OPCML: variants seen among roughly 807,000 people sequenced by gnomAD.
OPCML encodes opioid-binding protein/cell adhesion molecule.
A neutral mutation model predicts 37.8 loss-of-function variants in OPCML; 13 were observed. The observed-to-expected ratio is 0.34, with a 90% CI of 0.22 to 0.55. The LOEUF (loss-of-function observed/expected upper bound fraction) is 0.55, where lower values mean the gene tolerates loss of function less well. OPCML is among the 20% of genes least tolerant of loss of function. The pLI, the probability that OPCML is intolerant of heterozygous loss-of-function variation, is 0.91. For synonymous variants in OPCML, 176 were observed against 168.8 expected, an observed-to-expected ratio of 1.04 and a Z score of -0.33; for missense variants, 341 against 435.6, an observed-to-expected ratio of 0.78 and a Z score of 1.93.
At chr11:132,567,418 C>A (rs955621357) in intron 3 of OPCML, among the ~76,000 whole-genome samples, 2 of 152,158 alleles carry the variant, frequency 1.3e-5, no homozygotes, top group African/African-American at 4.8e-5. Flanking sequence ...CTCCTTTTGT[C>A]ACCATGTCAC....
chr11:132,636,309 G>A (rs980721466), intron 3 of OPCML, among the ~76,000 whole-genome samples: 2 of 152,166 alleles, frequency 1.3e-5, no homozygotes, highest in East Asian at 3.9e-4. Context: ...AATTATCTGG[G>A]TGCTTCAAGG....
At chr11:133,327,150 G>A (rs1943492622) in intron 1 of OPCML, among the ~76,000 whole-genome samples, 1 of 146,332 alleles carries the variant, frequency 6.8e-6, no homozygotes, top group Admixed American at 6.8e-5. Context: ...GTGTGTGTAT[G>A]TGGGTGTGGG....
chr11:132,924,234 C>T (rs1222249901), intron 2 of OPCML, among the ~76,000 whole-genome samples: 1 of 151,884 alleles, frequency 6.6e-6, no homozygotes, highest in Non-Finnish European at 1.5e-5. Context: ...CCTGTAAATG[C>T]TTGGGGGATG....
At chr11:133,454,053 C>T (rs994427061) in intron 1 of OPCML, among the ~76,000 whole-genome samples, 2 of 152,154 alleles carry the variant, frequency 1.3e-5, no homozygotes, top group African/African-American at 4.8e-5. Flanking sequence ...CAACTGCATT[C>T]CCGAAACAGG....
At chr11:132,623,381 A>T (rs1384225482) in intron 3 of OPCML, among the ~76,000 whole-genome samples, 1 of 152,054 alleles carries the variant, frequency 6.6e-6, no homozygotes, top group African/African-American at 2.4e-5. Flanking sequence ...ACAACAAAAA[A>T]ACAGAGCTGA....
At chr11:132,649,501 C>T (rs879787782) in intron 3 of OPCML, among the ~76,000 whole-genome samples, 6 of 151,892 alleles carry the variant, frequency 4.0e-5, no homozygotes, top group African/African-American at 4.8e-5. Context: ...GCGCAGGGGG[C>T]GGGGCAGGTG....
intron 1 of OPCML, among the ~76,000 whole-genome samples, chr11:133,527,605 G>A (rs539959617): frequency 6.0e-4 from 92 of 152,278 alleles, no homozygotes; most frequent in Admixed American, 1.5e-3. Flanking sequence ...CAACATGCGA[G>A]TTGCCTTCTC....
chr11:132,812,559 T>A (rs1939407863), intron 2 of OPCML, among the ~76,000 whole-genome samples: 1 of 152,164 alleles, frequency 6.6e-6, no homozygotes, highest in Non-Finnish European at 1.5e-5. Flanking sequence ...TGTTTTAAAG[T>A]GTAGTTTCAA....
chr11:133,371,204 G>A (rs1474267270), intron 1 of OPCML, among the ~76,000 whole-genome samples: 1 of 152,160 alleles, frequency 6.6e-6, no homozygotes, highest in Non-Finnish European at 1.5e-5. Flanking sequence ...TTTGTACACT[G>A]TGGTGGGAAT....
intron 1 of OPCML, among the ~76,000 whole-genome samples, chr11:133,191,318 G>A (rs948081158): frequency 6.6e-6 from 1 of 151,934 alleles, no homozygotes; most frequent in African/African-American, 2.4e-5. Context: ...TAAAAAATTG[G>A]TTTGTCATTT....
At chr11:132,716,695 T>C (rs1339738759) in intron 2 of OPCML, among the ~76,000 whole-genome samples, 1 of 152,194 alleles carries the variant, frequency 6.6e-6, no homozygotes, top group African/African-American at 2.4e-5. Flanking sequence ...TAATTTCTAC[T>C]TTTAAAAAAC....
intron 1 of OPCML, among the ~76,000 whole-genome samples, chr11:133,150,125 G>A (rs1468108486): frequency 6.6e-6 from 1 of 152,232 alleles, no homozygotes; most frequent in Non-Finnish European, 1.5e-5. Flanking sequence ...CTTAAATAGT[G>A]GTCTTGGGAA....
intron 2 of OPCML, among the ~76,000 whole-genome samples, chr11:132,732,549 T>C (rs1945114284): frequency 6.6e-6 from 1 of 151,992 alleles, no homozygotes; most frequent in Non-Finnish European, 1.5e-5. Flanking sequence ...CATGAAACGG[T>C]AGTTAAAATG....
chr11:132,745,605 A>AAAGAAAG (rs1198320278), intron 2 of OPCML, among the ~76,000 whole-genome samples: 8 of 147,192 alleles, frequency 5.4e-5, no homozygotes, highest in African/African-American at 2.0e-4. Flanking sequence ...AGAAAGAAAG[A>AAAGAAAG]AAAAAAAAGG....
At chr11:132,557,710 G>A (rs573036734) in intron 3 of OPCML, among the ~76,000 whole-genome samples, 158 of 152,234 alleles carry the variant, frequency 1.0e-3, no homozygotes, top group African/African-American at 3.7e-3. Context: ...ACTTTGCCAG[G>A]CACTGAAGTA....
chr11:133,119,156 C>A (rs952866488), intron 1 of OPCML, among the ~76,000 whole-genome samples: 2 of 152,072 alleles, frequency 1.3e-5, no homozygotes, highest in African/African-American at 4.8e-5. Context: ...AATGGCCCAT[C>A]CCTCCAGCCA....
At chr11:132,449,556 G>C (rs756661046) in intron 4 of OPCML, among the ~76,000 whole-genome samples, 9 of 152,100 alleles carry the variant, frequency 5.9e-5, no homozygotes, top group Non-Finnish European at 1.3e-4. Flanking sequence ...TTCCCAACCA[G>C]ATACAGAGCA....
chr11:132,663,280 G>A (rs1224562092), intron 2 of OPCML, among the ~76,000 whole-genome samples: 1 of 152,130 alleles, frequency 6.6e-6, no homozygotes, highest in Non-Finnish European at 1.5e-5. Flanking sequence ...AGTGATAAAA[G>A]GTGTAAGACA....
chr11:132,937,889 G>A (rs74919844), intron 2 of OPCML, among the ~76,000 whole-genome samples: 9,688 of 151,580 alleles, frequency 0.064, 638 homozygotes, highest in African/African-American at 0.17. Flanking sequence ...TCTTCACTCT[G>A]CCACTCTGCT....
Sources: gnomAD v4.1 joint callset for allele counts (sites outside exome capture counted in the v4.1 genomes callset) on GRCh38, gnomAD v4.1.1 for gene constraint, MANE v1.5 for transcripts, NCBI Gene and HGNC (gene_info 2026-07-23, HGNC 2026-07-21) for gene names.